MYOM2: variants seen among roughly 807,000 people sequenced by gnomAD.
The protein encoded by MYOM2 is myomesin 2, also known as myomesin-2.
MYOM2 carries 254 observed loss-of-function variants against 187.6 expected under a neutral mutation model. The observed-to-expected ratio is 1.35, with a 90% CI of 1.22 to 1.50. MYOM2 has a LOEUF of 1.50. Among genes scored for constraint, MYOM2 ranks in the 40% most tolerant of loss-of-function variants. MYOM2 has a pLI of 0.00. For missense variants in MYOM2, 2,796 were observed against 1,924.0 expected (o/e 1.45, Z -8.48); for synonymous variants, 981 against 753.8 (o/e 1.30, Z -4.94).
At chr8:2,104,856 G>A (rs17062811) in intron 21 of MYOM2, among the ~76,000 whole-genome samples, 43,832 of 152,020 alleles carry the variant, frequency 0.29, 7,117 homozygotes, top group African/African-American at 0.44. Flanking sequence ...ACCAGCAGCC[G>A]TGGTTATTAG....
At chr8:2,121,347 G>C (rs896561065) in intron 28 of MYOM2, among the ~76,000 whole-genome samples, 4 of 152,112 alleles carry the variant, frequency 2.6e-5, no homozygotes, top group Non-Finnish European at 5.9e-5. Context: ...CCCAAGGCCA[G>C]TGGCGAGACC....
chr8:2,084,947 A>G (rs139012028), intron 13 of MYOM2: 1 of 329,722 alleles, frequency 3.0e-6, no homozygotes, highest in African/African-American at 2.1e-5. Context: ...TCAGAGCCCC[A>G]TTTCGGGTGC....
rs779691808 is a variant in MYOM2 at position 2,102,745 on chromosome 8, G to C, written c.2698G>C (p.Asp900His). The C allele has an allele frequency of 1.9e-6, 3 of 1,614,126 alleles. No homozygotes were observed. The highest frequency in any genetic ancestry group is 2.5e-6 in the Non-Finnish European group (3 of 1,179,920). ...TGCAAATGGCGTGGGGAAGCCCTCAGACACGTCGGAGCCTGTGCTGGTAGA... is the reference window on the plus strand; with the variant it reads ...TGCAAATGGCGTGGGGAAGCCCTCACACACGTCGGAGCCTGTGCTGGTAGA... ...VNANGVGKPS[D>H]TSEPVLVEAR... The change falls in exon 21 of 37, where the codon GAC (aspartate) becomes CAC (histidine). Residue 900 changes from aspartate to histidine, a missense_variant. Transcript: ENST00000262113.
chr8:2,071,317 C>T (rs1819207429), intron 8 of MYOM2, among the ~76,000 whole-genome samples: 1 of 152,046 alleles, frequency 6.6e-6, no homozygotes, highest in Admixed American at 6.6e-5. Context: ...TTAAACTTCC[C>T]TACATGCATG....
chr8:2,076,962 C>T lies in MYOM2; in HGVS notation c.1262+680C>T, dbSNP rs371280797. On this transcript the variant is annotated intron_variant, in intron 11 of 36. Transcript: ENST00000262113. ...TATGCCCTAAATACAAATTCCAGTT[C>T]TTGGAGTAAATTATAGTTGAAGAAA... Among the ~76,000 whole-genome samples, 66 of 152,230 alleles carry T rather than the reference C, an allele frequency of 4.3e-4. 1 individual carries two copies. The highest frequency in any genetic ancestry group is 1.6e-3 in the African/African-American group (65 of 41,532).
chr8:2,074,889 G>A (rs536771146), intron 10 of MYOM2, among the ~76,000 whole-genome samples: 43 of 152,342 alleles, frequency 2.8e-4, no homozygotes, highest in Admixed American at 2.7e-3. Context: ...GCGTCAGAGC[G>A]CTCCTGCGCC....
chr8:2,071,773 C>G (rs1026682873), intron 8 of MYOM2, among the ~76,000 whole-genome samples: 1 of 152,202 alleles, frequency 6.6e-6, no homozygotes, highest in African/African-American at 2.4e-5. Flanking sequence ...GAGGCAGAAG[C>G]CTGACACTCA....
At chr8:2,105,368 G>A (rs926716725) in intron 21 of MYOM2, among the ~76,000 whole-genome samples, 3 of 152,138 alleles carry the variant, frequency 2.0e-5, no homozygotes, top group East Asian at 1.9e-4. Flanking sequence ...GATGTGTCTC[G>A]TCCAATTCCT....
chr8:2,096,091 G>A (rs1489613205), intron 17 of MYOM2, among the ~76,000 whole-genome samples, 156 bp from the exon 18 acceptor site: 2 of 152,166 alleles, frequency 1.3e-5, no homozygotes, highest in Non-Finnish European at 2.9e-5. Context: ...AAAGACCAAG[G>A]TGGTTAAGTG....
At chr8:2,045,667 C>G (rs761371532) in intron 1 of MYOM2, among the ~76,000 whole-genome samples, 5 of 152,224 alleles carry the variant, frequency 3.3e-5, no homozygotes, top group Non-Finnish European at 7.3e-5. Flanking sequence ...AGAGAACAAT[C>G]CTTGTCAGGA....
At position 2,123,619 on chromosome 8, in the gene MYOM2, C is replaced by G; in HGVS notation, c.3632C>G (p.Ser1211Cys). The G allele has an allele frequency of 2.5e-6, 4 of 1,614,132 alleles. No homozygotes were observed. The highest frequency in any genetic ancestry group is 1.3e-5 in the African/African-American group (1 of 75,048). Residue 1211 changes from serine (S) to cysteine (C), a missense_variant, in exon 30 of 37, where the codon TCC (serine) becomes TGC (cysteine). Transcript: ENST00000262113. Reference sequence around the variant, plus strand: ...AAAGATGACAGAGGCCAAGATGTGTCCATCCTTGAAATAGCTGGCAAAGGT... The same window carrying G: ...AAAGATGACAGAGGCCAAGATGTGTGCATCCTTGAAATAGCTGGCAAAGGT... The part of the protein sequence containing the change: ...TLKDDRGQDV[S>C]ILEIAGKVYD...
chr8:2,085,437 C>A (rs115046914), intron 14 of MYOM2, 47 bp downstream of exon 14: 10 of 1,592,296 alleles, frequency 6.3e-6, no homozygotes, highest in South Asian at 1.1e-5. Flanking sequence ...CTGCATGGCC[C>A]CCCACTGTCA....
At chr8:2,111,493 A>G (rs1797066519) in intron 25 of MYOM2, among the ~76,000 whole-genome samples, 1 of 152,238 alleles carries the variant, frequency 6.6e-6, no homozygotes, top group African/African-American at 2.4e-5. Flanking sequence ...AGTTCCTATC[A>G]TTCATTCTCT....
At chr8:2,111,900 G>C (rs1368254674) in intron 25 of MYOM2, among the ~76,000 whole-genome samples, 3 of 152,222 alleles carry the variant, frequency 2.0e-5, no homozygotes, top group African/African-American at 7.2e-5. Context: ...TACGCTGTGT[G>C]ATCTACATCT....
Position 2,092,361 on chromosome 8 carries a change from C to T in MYOM2, c.1844C>T (p.Pro615Leu), listed in dbSNP as rs568721995. 64 of 1,613,980 alleles carry T rather than the reference C, an allele frequency of 4.0e-5. No individual in the cohort carries two copies. In the East Asian group the frequency reaches 5.8e-4, roughly 15 times the overall value. The change falls in exon 16 of 37, where the codon CCG becomes CTG. Residue 615 changes from proline (P) to leucine (L), a missense_variant. Pro to Leu is a moderately conservative substitution (Grantham distance 98). Transcript: ENST00000262113. ...CTACGAAAAGTTGTCCCTTCTGCTC[C>T]GGGTCGGGTTCTTGCTTCCCGAAAC... The part of the protein sequence containing the change: ...AQDVTVVPSA[P>L]GRVLASRNTK...
chr8:2,079,845 A>G (rs1819561871), intron 13 of MYOM2, among the ~76,000 whole-genome samples: 1 of 152,226 alleles, frequency 6.6e-6, no homozygotes, highest in Non-Finnish European at 1.5e-5. Context: ...GGTGACTCTT[A>G]GACTCACCTT....
rs147670971 is a variant in MYOM2 at position 2,129,160 on chromosome 8, C to T, written c.3728C>T (p.Thr1243Ile). The T allele has an allele frequency of 1.9e-6, 3 of 1,611,720 alleles. No homozygotes were observed. Among genetic ancestry groups the T allele is most frequent in the South Asian group, 2.2e-5 (2 of 91,026 alleles). Residue 1243 changes from threonine to isoleucine, a missense_variant, in exon 32 of 37, where the codon ACC (threonine) becomes ATC (isoleucine). Transcript: ENST00000262113. ...GCTTCGCCACTGAAGGTACTCTGCA[C>T]CCCAGAAGGAATACGACTTCAGTGT... ...KSASPLKVLC[T>I]PEGIRLQCFM...
chr8:2,099,946 T>A (rs1367775441), intron 19 of MYOM2, among the ~76,000 whole-genome samples: 1 of 152,248 alleles, frequency 6.6e-6, no homozygotes, highest in Non-Finnish European at 1.5e-5. Flanking sequence ...GCAAATCAGC[T>A]GCTAAGAAGC....
chr8:2,050,925 G>C, intron 2 of MYOM2, 52 bp downstream of exon 2: 1 of 1,399,026 alleles, frequency 7.1e-7, no homozygotes. Context: ...ATGGGGGTCT[G>C]ACATTTAAAG....
Sources: gnomAD v4.1 joint callset for allele counts (sites outside exome capture counted in the v4.1 genomes callset) on GRCh38, gnomAD v4.1.1 for gene constraint, MANE v1.5 for transcripts, NCBI Gene and HGNC (gene_info 2026-07-23, HGNC 2026-07-21) for gene names.